Variants in PRIM2 observed in about 807,000 individuals in gnomAD.
PRIM2 encodes the protein DNA primase large subunit.
Under a neutral mutation model 67.3 loss-of-function variants are expected in PRIM2, and 39 were observed. The observed-to-expected ratio is 0.58, with a 90% CI of 0.45 to 0.76. The LOEUF (loss-of-function observed/expected upper bound fraction) is 0.76. Among genes scored for constraint, PRIM2 ranks in the 30% least tolerant of loss-of-function variants. The pLI is 0.00. For synonymous variants in PRIM2, 143 were observed against 198.7 expected (o/e 0.72, Z 2.36); for missense variants, 398 against 598.7 (o/e 0.66, Z 3.50).
At chr6:57,359,378 G>C (rs1480824977) in intron 5 of PRIM2, among the ~76,000 whole-genome samples, 1 of 152,198 alleles carries the variant, frequency 6.6e-6, no homozygotes, top group Non-Finnish European at 1.5e-5. Flanking sequence ...AAGCATCCCT[G>C]TCACGGTGCC....
chr6:57,524,697 G>A (rs1388194238), intron 8 of PRIM2, among the ~76,000 whole-genome samples: 62 of 151,306 alleles, frequency 4.1e-4, no homozygotes, highest in Admixed American at 9.2e-4. Context: ...GCAAAACTCC[G>A]TCTCAAATTA....
chr6:57,241,021 G>A, the PRIM2 span, among the ~76,000 whole-genome samples: 3 of 151,908 alleles, frequency 2.0e-5, no homozygotes, highest in African/African-American at 4.8e-5. Flanking sequence ...TCAGGAGATC[G>A]AGACCATCCT....
chr6:57,297,914 T>C, the PRIM2 span, among the ~76,000 whole-genome samples: 1 of 152,216 alleles, frequency 6.6e-6, no homozygotes, highest in South Asian at 2.1e-4. Flanking sequence ...TGAGAAACCA[T>C]GACGACTAAA....
intron 9 of PRIM2, among the ~76,000 whole-genome samples, chr6:57,533,591 AAC>A (rs1323570114): frequency 6.6e-6 from 1 of 152,204 alleles, no homozygotes; most frequent in Non-Finnish European, 1.5e-5. Context: ...TTTTTTATTA[AAC>A]ACTTATCTCT....
the PRIM2 span, among the ~76,000 whole-genome samples, chr6:57,231,246 GT>G: frequency 6.6e-6 from 1 of 152,100 alleles, no homozygotes; most frequent in African/African-American, 2.4e-5. Context: ...ACTTAAAAAA[GT>G]TTTTACTTTT....
intron 7 of PRIM2, among the ~76,000 whole-genome samples, chr6:57,409,935 A>G (rs1313760111): frequency 1.3e-5 from 2 of 152,182 alleles, no homozygotes; most frequent in Admixed American, 6.5e-5. Flanking sequence ...TAGCTCTTGT[A>G]TTTAACTCTA....
intron 7 of PRIM2, among the ~76,000 whole-genome samples, chr6:57,503,547 G>A (rs1774187390): frequency 6.6e-6 from 1 of 152,210 alleles, no homozygotes; most frequent in Non-Finnish European, 1.5e-5. Context: ...TCAGAAGTTC[G>A]AGACCAGCCT....
intron 13 of PRIM2, among the ~76,000 whole-genome samples, chr6:57,636,101 T>G (rs1451044980): frequency 6.6e-6 from 1 of 152,122 alleles, no homozygotes; most frequent in East Asian, 1.9e-4. Flanking sequence ...TCACAGAATT[T>G]TCCCATCTCA....
intron 12 of PRIM2, among the ~76,000 whole-genome samples, chr6:57,617,859 T>C (rs1776782974): frequency 6.6e-6 from 1 of 152,366 alleles, no homozygotes; most frequent in African/African-American, 2.4e-5. Context: ...TGTATAAAAG[T>C]ATTATAGCTC....
the PRIM2 span, among the ~76,000 whole-genome samples, chr6:57,294,645 T>C: frequency 0.025 from 3,766 of 151,418 alleles, 77 homozygotes; most frequent in African/African-American, 0.046. Flanking sequence ...ATAACATATG[T>C]GTATGTATAT....
At chr6:57,604,932 C>T (rs1389158965) in intron 11 of PRIM2, among the ~76,000 whole-genome samples, 2 of 152,244 alleles carry the variant, frequency 1.3e-5, no homozygotes, top group African/African-American at 4.8e-5. Flanking sequence ...CCTCGTGATC[C>T]GCCCGCCTCG....
chr6:57,383,026 G>A (rs1249348566), intron 7 of PRIM2: 1 of 152,062 alleles, frequency 6.6e-6, no homozygotes, highest in East Asian at 1.9e-4. Flanking sequence ...TTTATTAAAT[G>A]AAGGAATTTA....
intron 8 of PRIM2, among the ~76,000 whole-genome samples, chr6:57,518,490 G>A (rs1554348495): frequency 6.6e-6 from 1 of 152,128 alleles, no homozygotes; most frequent in Non-Finnish European, 1.5e-5. Context: ...GCCATCTTGT[G>A]TACCACTATC....
At chr6:57,524,793 T>C (rs1554349216) in intron 8 of PRIM2, among the ~76,000 whole-genome samples, 5 of 152,176 alleles carry the variant, frequency 3.3e-5, no homozygotes, top group Non-Finnish European at 5.9e-5. Flanking sequence ...CGCCTCAAAA[T>C]AAAACAAAAA....
In PRIM2 at chr6:57,646,171, C is replaced by G; in HGVS notation, c.*13C>G. 6.4e-7 allele frequency: 1 copy of G among 1,556,052 alleles called. No homozygotes were observed. Among genetic ancestry groups the G allele is most frequent in the East Asian group, 2.2e-5 (1 of 44,566 alleles). On this transcript the variant is annotated 3_prime_UTR_variant, in exon 14 of 14. Coordinates refer to ENST00000615550, the MANE Select transcript of PRIM2 (RefSeq NM_000947.5). ...TGAAGATTCTTAGGCAGTTTTATAA[C>G]CCTTTTTCCTCAATAGCCTGTTTCC...
the PRIM2 span, among the ~76,000 whole-genome samples, chr6:57,264,507 T>C: frequency 7.2e-5 from 11 of 152,258 alleles, 1 homozygote; most frequent in East Asian, 1.7e-3. Context: ...AGCCCCATCA[T>C]TTTATCATTG....
chr6:57,538,866 A>T (rs1326715643), intron 10 of PRIM2, among the ~76,000 whole-genome samples: 26 of 152,026 alleles, frequency 1.7e-4, no homozygotes, highest in Non-Finnish European at 2.9e-4. Flanking sequence ...GTCTTACGGG[A>T]TTAGGGCCCC....
intron 7 of PRIM2, among the ~76,000 whole-genome samples, chr6:57,502,116 A>G (rs1774145120): frequency 6.6e-6 from 1 of 152,206 alleles, no homozygotes; most frequent in Non-Finnish European, 1.5e-5. Context: ...GTTATAGTAT[A>G]TTTTAAGAAA....
At chr6:57,406,911 A>G (rs1387454763) in intron 7 of PRIM2, among the ~76,000 whole-genome samples, 3 of 151,240 alleles carry the variant, frequency 2.0e-5, no homozygotes, top group African/African-American at 7.3e-5. Flanking sequence ...ATAAGATTGT[A>G]TTTGTTGAGT....
Sources: gnomAD v4.1 joint callset for allele counts (sites outside exome capture counted in the v4.1 genomes callset) on GRCh38, gnomAD v4.1.1 for gene constraint, MANE v1.5 for transcripts, NCBI Gene and HGNC (gene_info 2026-07-23, HGNC 2026-07-21) for gene names.